Variants in RANBP2 observed in about 807,000 individuals in gnomAD.
RANBP2 encodes RAN binding protein 2, also known as E3 SUMO-protein ligase RanBP2.
In RANBP2, 57 loss-of-function variants were observed where a neutral mutation model predicts 303.6. That is an observed-to-expected ratio of 0.19 (90% confidence interval 0.15 to 0.23). RANBP2 has a LOEUF of 0.23. Among genes scored for constraint, RANBP2 ranks in the 10% least tolerant of loss-of-function variants. The probability of loss-of-function intolerance (pLI) is 1.00; values close to 1 mark genes in which losing one functional copy is unlikely to be tolerated. For missense variants in RANBP2, 3,138 were observed against 3,780.8 expected (o/e 0.83, Z 4.46); for synonymous variants, 1,167 against 1,301.5 (o/e 0.90, Z 2.23).
At chr2:109,701,275 C>T in the RANBP2 span, among the ~76,000 whole-genome samples, 7,723 of 152,252 alleles carry the variant, frequency 0.051, 258 homozygotes, top group Admixed American at 0.077. Context: ...CCTTGTTAAC[C>T]CAGAATATCT....
chr2:109,063,388 C>T, the RANBP2 span, among the ~76,000 whole-genome samples: 3 of 152,168 alleles, frequency 2.0e-5, no homozygotes, highest in Non-Finnish European at 4.4e-5. Context: ...GATCTCGACA[C>T]AGTAGGGTCC....
the RANBP2 span, among the ~76,000 whole-genome samples, chr2:108,933,065 A>C: frequency 6.6e-6 from 1 of 152,240 alleles, no homozygotes; most frequent in African/African-American, 2.4e-5. Context: ...ACACCCACAA[A>C]AAATCCAAAG....
chr2:108,969,213 C>A, the RANBP2 span, among the ~76,000 whole-genome samples: 2 of 148,126 alleles, frequency 1.4e-5, no homozygotes, highest in Non-Finnish European at 3.0e-5. Context: ...TGACAACCTT[C>A]TTTTTTTTTT....
the RANBP2 span, among the ~76,000 whole-genome samples, chr2:109,593,492 G>A: frequency 2.1e-5 from 3 of 145,860 alleles, no homozygotes; most frequent in South Asian, 2.1e-4. Flanking sequence ...TGCAACCTCC[G>A]TCTCCCAGGT....
At chr2:109,223,488 C>T in the RANBP2 span, among the ~76,000 whole-genome samples, 1 of 152,214 alleles carries the variant, frequency 6.6e-6, no homozygotes. Context: ...CTGCCCATGT[C>T]AGTCCTAGGT....
At chr2:109,670,509 A>G in the RANBP2 span, among the ~76,000 whole-genome samples, 3 of 152,080 alleles carry the variant, frequency 2.0e-5, no homozygotes, top group Non-Finnish European at 4.4e-5. Flanking sequence ...TATGAGGATT[A>G]AGGGCACTAT....
chr2:109,691,399 G>A, the RANBP2 span, among the ~76,000 whole-genome samples: 2 of 152,138 alleles, frequency 1.3e-5, no homozygotes, highest in Non-Finnish European at 2.9e-5. Flanking sequence ...GGCTGGGTTG[G>A]ACCGGGGCCT....
At chr2:109,640,031 G>C in the RANBP2 span, among the ~76,000 whole-genome samples, 2 of 151,658 alleles carry the variant, frequency 1.3e-5, no homozygotes, top group Non-Finnish European at 2.9e-5. Flanking sequence ...ATTAAGGTCA[G>C]AAAAGAACCC....
chr2:108,815,758 G>A, the RANBP2 span: 6 of 180,108 alleles, frequency 3.3e-5, no homozygotes, highest in East Asian at 3.8e-4. Context: ...GAGCCACTGC[G>A]CCAGGCAGGT....
chr2:109,115,703 T>C, the RANBP2 span, among the ~76,000 whole-genome samples: 2 of 152,244 alleles, frequency 1.3e-5, no homozygotes, highest in African/African-American at 2.4e-5. Context: ...TGCTCGTTAG[T>C]TGATGCAGTT....
intron 20 of RANBP2, among the ~76,000 whole-genome samples, 159 bp downstream of exon 20, chr2:108,768,547 C>T (rs1266886611): frequency 2.6e-5 from 4 of 152,064 alleles, no homozygotes; most frequent in Non-Finnish European, 5.9e-5. Flanking sequence ...AATAAGTTCA[C>T]GGTGAGGTTT....
the RANBP2 span, among the ~76,000 whole-genome samples, chr2:109,276,574 A>G: frequency 1.3e-5 from 2 of 152,198 alleles, no homozygotes; most frequent in South Asian, 2.1e-4. Flanking sequence ...CTTGTGTTTC[A>G]TTTGTATATT....
At chr2:109,045,636 C>A in the RANBP2 span, among the ~76,000 whole-genome samples, 5 of 152,158 alleles carry the variant, frequency 3.3e-5, no homozygotes, top group African/African-American at 4.8e-5. Context: ...CTGCCAGGTG[C>A]CCTTCCCGAA....
the RANBP2 span, among the ~76,000 whole-genome samples, chr2:108,951,742 C>T: frequency 7.8e-3 from 1,188 of 152,150 alleles, 9 homozygotes; most frequent in South Asian, 0.029. Context: ...TGCGAGTCCA[C>T]GAGGTTCTCT....
the RANBP2 span, among the ~76,000 whole-genome samples, chr2:108,951,676 C>A: frequency 4.6e-5 from 7 of 152,166 alleles, no homozygotes; most frequent in African/African-American, 1.7e-4. Context: ...CCTGCAATTT[C>A]TTTAACTGTA....
the RANBP2 span, chr2:109,794,710 C>T: frequency 1.4e-6 from 1 of 698,338 alleles, no homozygotes; most frequent in Admixed American, 1.0e-4. Flanking sequence ...CCGGCTGGCG[C>T]AGTCCTGTGG....
rs1436427186 is a variant in RANBP2 at position 108,784,010 on chromosome 2, T to G, written c.*109T>G. On this transcript the variant is annotated 3_prime_UTR_variant, in exon 29 of 29. Transcript: ENST00000283195. ...CTTTTGAAAATGGACGTTTCCGATT[T>G]ACAAATGTAAAATTGCAGCTTATAG... 1 of 1,083,716 alleles carries G rather than the reference T, an allele frequency of 9.2e-7. No individual in the cohort carries two copies. Among genetic ancestry groups the G allele is most frequent in the Non-Finnish European group, 1.3e-6 (1 of 753,916 alleles). The allele number at this position is 1,083,716 out of a possible 1,614,324, so 67.1% of individuals were successfully genotyped here.
At chr2:109,090,400 T>G in the RANBP2 span, among the ~76,000 whole-genome samples, 1 of 151,552 alleles carries the variant, frequency 6.6e-6, no homozygotes, top group Non-Finnish European at 1.5e-5. Flanking sequence ...GCAAAGAGCC[T>G]ATGAAAAGTC....
At chr2:109,025,291 G>C in the RANBP2 span, among the ~76,000 whole-genome samples, 24 of 152,254 alleles carry the variant, frequency 1.6e-4, no homozygotes, top group Middle Eastern at 3.4e-3. Flanking sequence ...TTAGCTTTGT[G>C]AATAATGCTG....
Sources: allele counts gnomAD v4.1 joint callset (sites outside exome capture counted in the v4.1 genomes callset), GRCh38; gene constraint gnomAD v4.1.1; transcripts MANE v1.5; gene names NCBI Gene and HGNC (gene_info 2026-07-23, HGNC 2026-07-21).